CCDC178: variants seen among roughly 807,000 people sequenced by gnomAD.
CCDC178 encodes the protein coiled-coil domain containing 178.
A neutral mutation model predicts 117.4 loss-of-function variants in CCDC178; 126 were observed. That is an observed-to-expected ratio of 1.07 (90% CI 0.93 to 1.24). The LOEUF (loss-of-function observed/expected upper bound fraction) is 1.24. Among genes scored for constraint, CCDC178 ranks in the 50% most tolerant of loss-of-function variants. The pLI is 0.00. For missense variants in CCDC178, 1,030 were observed against 986.9 expected (o/e 1.04, Z -0.59); for synonymous variants, 283 against 313.4 (o/e 0.90, Z 1.02).
intron 15 of CCDC178, among the ~76,000 whole-genome samples, chr18:33,240,949 C>A (rs2059480431): frequency 6.6e-6 from 1 of 151,608 alleles, no homozygotes; most frequent in Admixed American, 6.6e-5. Flanking sequence ...ATAACTTAAA[C>A]AAAACACTAG....
At chr18:33,305,323 C>A (rs142127781) in intron 11 of CCDC178, among the ~76,000 whole-genome samples, 1 of 152,118 alleles carries the variant, frequency 6.6e-6, no homozygotes, top group African/African-American at 2.4e-5. Flanking sequence ...TAAGCAGGCA[C>A]GCAAAGGGTT....
At chr18:33,170,997 T>C (rs1455608377) in intron 20 of CCDC178, among the ~76,000 whole-genome samples, 3 of 152,206 alleles carry the variant, frequency 2.0e-5, no homozygotes, top group Non-Finnish European at 4.4e-5. Context: ...GAAAGACTCC[T>C]TTTCCACTCA....
At chr18:32,991,439 G>C (rs1018168704) in intron 21 of CCDC178, among the ~76,000 whole-genome samples, 1 of 152,138 alleles carries the variant, frequency 6.6e-6, no homozygotes, top group Admixed American at 6.5e-5. Flanking sequence ...TATGAACTGT[G>C]ATTTGAGCCA....
At chr18:33,302,267 G>A (rs1344045258) in intron 11 of CCDC178, among the ~76,000 whole-genome samples, 2 of 152,064 alleles carry the variant, frequency 1.3e-5, no homozygotes, top group Non-Finnish European at 2.9e-5. Flanking sequence ...TGTACAGTGT[G>A]AAAAACCATA....
intron 10 of CCDC178, among the ~76,000 whole-genome samples, chr18:33,330,126 T>C (rs1431219382): frequency 1.3e-5 from 2 of 152,092 alleles, no homozygotes; most frequent in African/African-American, 4.8e-5. Flanking sequence ...TATTTCTCTC[T>C]GAGGAAGTAT....
intron 22 of CCDC178, among the ~76,000 whole-genome samples, chr18:32,972,544 C>T (rs568703534): frequency 3.4e-4 from 51 of 152,036 alleles, no homozygotes; most frequent in African/African-American, 1.2e-3. Flanking sequence ...AGTTTTTTTC[C>T]AATTCTGTGA....
chr18:33,359,146 A>G (rs2144722368), intron 6 of CCDC178, among the ~76,000 whole-genome samples: 1 of 151,952 alleles, frequency 6.6e-6, no homozygotes, highest in Non-Finnish European at 1.5e-5. Flanking sequence ...AGGCACTTCA[A>G]TGAATTGTGA....
Position 33,431,271 on chromosome 18 carries a change from G to A in CCDC178, c.-23+8691C>T, listed in dbSNP as rs2064216063. Among the ~76,000 whole-genome samples the A allele has an allele frequency of 2.1e-5, 3 of 141,158 alleles. No individual in the cohort carries two copies. In the South Asian group the frequency reaches 6.7e-4, roughly 31 times the overall value. 92.6% of individuals were successfully genotyped at this position (141,158 alleles called of 152,430 possible). ...ACTAACCATTTATATTATTTGGGAC[G>A]TTTTCTTTGTTGAAAGCCAAGAAAA... On this transcript the variant is annotated intron_variant, in intron 2 of 22. Coordinates refer to ENST00000383096, the MANE Select transcript of CCDC178 (RefSeq NM_001105528.4).
At chr18:33,117,476 G>A (rs1000227890) in intron 20 of CCDC178, among the ~76,000 whole-genome samples, 3 of 151,932 alleles carry the variant, frequency 2.0e-5, no homozygotes, top group African/African-American at 7.3e-5. Flanking sequence ...ATTCCCTGAG[G>A]TGACCAGTCA....
chr18:33,073,314 A>G (rs2145003980), intron 21 of CCDC178, among the ~76,000 whole-genome samples: 1 of 152,182 alleles, frequency 6.6e-6, no homozygotes, highest in South Asian at 2.1e-4. Context: ...ATCATATATT[A>G]CATGATTATA....
At chr18:33,360,209 C>A (rs1048842378) in intron 6 of CCDC178, among the ~76,000 whole-genome samples, 1 of 150,734 alleles carries the variant, frequency 6.6e-6, no homozygotes, top group Non-Finnish European at 1.5e-5. Context: ...CATGATACAG[C>A]AGTTCCACTC....
chr18:33,269,735 C>T (rs1230159663), intron 12 of CCDC178, among the ~76,000 whole-genome samples: 1 of 151,752 alleles, frequency 6.6e-6, no homozygotes, highest in African/African-American at 2.4e-5. Flanking sequence ...AAGATTACTA[C>T]TTCAGCAAAC....
At chr18:33,067,767 G>T (rs2057042128) in intron 21 of CCDC178, among the ~76,000 whole-genome samples, 1 of 152,128 alleles carries the variant, frequency 6.6e-6, no homozygotes, top group Non-Finnish European at 1.5e-5. Context: ...GGGAGGCAGA[G>T]GTTGCAGAGA....
intron 5 of CCDC178, among the ~76,000 whole-genome samples, chr18:33,385,798 T>TAG (rs1163139799): frequency 1.3e-5 from 2 of 151,896 alleles, no homozygotes; most frequent in Non-Finnish European, 1.5e-5. Flanking sequence ...CTAAATGAAC[T>TAG]AGAGAACAAA....
At position 32,999,365 on chromosome 18, in the gene CCDC178, C is replaced by T. The variant is rs76569988; in HGVS notation, c.2389-24684G>A. ...TTCCTAAGGTTTCCAACTTTAGGCTCTGGCTCCTGGACAGCATCTCTGGAC... is the reference window on the plus strand; with the variant it reads ...TTCCTAAGGTTTCCAACTTTAGGCTTTGGCTCCTGGACAGCATCTCTGGAC... On this transcript the variant is annotated intron_variant, in intron 21 of 22. Coordinates refer to ENST00000383096, the MANE Select transcript of CCDC178 (RefSeq NM_001105528.4). Among the ~76,000 whole-genome samples, 95 of 152,300 alleles carry T rather than the reference C, an allele frequency of 6.2e-4. 2 individuals carry two copies. In the East Asian group the frequency reaches 0.017, roughly 27 times the overall value.
intron 20 of CCDC178, among the ~76,000 whole-genome samples, chr18:33,164,789 T>A (rs947366795): frequency 8.5e-5 from 13 of 152,238 alleles, no homozygotes; most frequent in African/African-American, 3.1e-4. Context: ...GGGAGGGTAT[T>A]TTCAGATAAT....
intron 20 of CCDC178, among the ~76,000 whole-genome samples, chr18:33,164,134 T>C (rs1018324011): frequency 6.6e-6 from 1 of 150,490 alleles, no homozygotes; most frequent in African/African-American, 2.5e-5. Flanking sequence ...TTAAACAGAG[T>C]TTCGCTCTTG....
chr18:33,081,241 T>A (rs2057292545), intron 21 of CCDC178, among the ~76,000 whole-genome samples: 2 of 152,234 alleles, frequency 1.3e-5, no homozygotes, highest in Admixed American at 1.3e-4. Flanking sequence ...TTAACAATAT[T>A]AATAGTAAAG....
intron 3 of CCDC178, among the ~76,000 whole-genome samples, chr18:33,402,234 A>G (rs1342197885): frequency 6.6e-6 from 1 of 152,222 alleles, no homozygotes; most frequent in Admixed American, 6.5e-5. Context: ...CAAAGATTTA[A>G]AAAGGCGAAA....
Sources: allele counts gnomAD v4.1 joint callset (sites outside exome capture counted in the v4.1 genomes callset), GRCh38; gene constraint gnomAD v4.1.1; transcripts MANE v1.5; gene names NCBI Gene and HGNC (gene_info 2026-07-23, HGNC 2026-07-21).